Variants in ZNF410 observed in about 807,000 individuals in gnomAD.
The protein encoded by ZNF410 is zinc finger protein 410.
A neutral mutation model predicts 54.8 loss-of-function variants in ZNF410; 18 were observed. That is an observed-to-expected ratio of 0.33 (90% CI 0.23 to 0.49). ZNF410 has a LOEUF of 0.49. Among genes scored for constraint, ZNF410 ranks in the 20% least tolerant of loss-of-function variants. ZNF410 has a pLI of 0.99. For synonymous variants in ZNF410, 191 were observed against 207.3 expected (o/e 0.92, Z 0.68); for missense variants, 405 against 569.6 (o/e 0.71, Z 2.94).
At position 73,919,886 on chromosome 14, in the gene ZNF410, G is replaced by GTTTTTTTTTTTT. The variant is rs1158550117; in HGVS notation, c.1004-1080_1004-1069dup. Among the ~76,000 whole-genome samples, 39 of 62,052 alleles carry GTTTTTTTTTTTT rather than the reference G, an allele frequency of 6.3e-4. 1 individual carries two copies. Among genetic ancestry groups the GTTTTTTTTTTTT allele is most frequent in the African/African-American group, 8.7e-4 (14 of 16,162 alleles). The allele number at this position is 62,052 out of a possible 152,430, so 40.7% of individuals were successfully genotyped here. A position where few individuals can be genotyped will look rare whatever the true frequency, so the allele number is the denominator to read the frequency against. Reference sequence around the variant, plus strand: ...ATTCCACCCTGTTTCTATTGTATAGGTTTTTTTTTTTTTTTTTTTTTTTTT... The same window carrying GTTTTTTTTTTTT: ...ATTCCACCCTGTTTCTATTGTATAGGTTTTTTTTTTTTTTTTTTTTTTTTTTTTTTTTTTTTT... On this transcript the variant is annotated intron_variant, in intron 8 of 11. Coordinates refer to ENST00000555044, the MANE Select transcript of ZNF410 (RefSeq NM_021188.3).
chr14:73,893,539 T>A (rs560400119), intron 2 of ZNF410: 5 of 346,246 alleles, frequency 1.4e-5, no homozygotes, highest in Non-Finnish European at 2.1e-5. Context: ...AAATAGGATA[T>A]TACAATCTCA....
At chr14:73,906,950 AATT>A (rs1227079250) in intron 7 of ZNF410, among the ~76,000 whole-genome samples, 1 of 151,900 alleles carries the variant, frequency 6.6e-6, no homozygotes, top group African/African-American at 2.4e-5. Context: ...GCCTCTATTT[AATT>A]ATTTCTCCCT....
intron 8 of ZNF410, among the ~76,000 whole-genome samples, chr14:73,919,132 A>G (rs895192970): frequency 4.8e-5 from 7 of 145,930 alleles, no homozygotes; most frequent in Admixed American, 4.2e-4. Flanking sequence ...CAACCTCCCA[A>G]GCAGCTGGGA....
At chr14:73,908,840 GTTTGTTTT>G in intron 7 of ZNF410, among the ~76,000 whole-genome samples, 1 of 151,906 alleles carries the variant, frequency 6.6e-6, no homozygotes, top group Middle Eastern at 3.4e-3. Flanking sequence ...TTTTTTGTTT[GTTTGTTTT>G]TTTGTTTGAG....
chr14:73,922,089 T>G lies in ZNF410; in HGVS notation c.1153T>G (p.Leu385Val). The G allele has an allele frequency of 1.2e-6, 2 of 1,614,114 alleles. No individual in the cohort carries two copies. The highest frequency in any genetic ancestry group is 2.2e-5 in the South Asian group (2 of 91,078). ...QTAEPLMGSS[L>V]LEEASVPSKN... ...AGCTGAGCCACTAATGGGCAGTAGT[T>G]TGCTTGAAGAGGCTTCAGTACCCAG... The change falls in exon 10 of 12, where the codon TTG (leucine) becomes GTG (valine). Residue 385 changes from leucine (L) to valine (V), a missense_variant. Transcript: ENST00000555044.
intron 8 of ZNF410, chr14:73,914,576 T>A (rs2055633978): frequency 6.6e-6 from 1 of 151,608 alleles, no homozygotes; most frequent in Admixed American, 6.6e-5. Context: ...TGTCTCAGCC[T>A]TCCAATGTCG....
At chr14:73,918,788 T>C (rs1271087225) in intron 8 of ZNF410, among the ~76,000 whole-genome samples, 1 of 141,726 alleles carries the variant, frequency 7.1e-6, no homozygotes, top group African/African-American at 2.6e-5. Context: ...AAGCTCTGCC[T>C]CCTCGGTTCA....
intron 11 of ZNF410, among the ~76,000 whole-genome samples, chr14:73,930,396 C>T (rs772973839): frequency 1.3e-5 from 2 of 152,186 alleles, no homozygotes. Context: ...TTTCTGGCCT[C>T]AAGCAATCCT....
At chr14:73,897,114 A>T (rs1007742574) in intron 4 of ZNF410, among the ~76,000 whole-genome samples, 2 of 152,126 alleles carry the variant, frequency 1.3e-5, no homozygotes, top group Non-Finnish European at 2.9e-5. Context: ...GGCAGAAAAG[A>T]TACTAAATCA....
intron 11 of ZNF410, among the ~76,000 whole-genome samples, chr14:73,926,303 T>A (rs2055829362): frequency 6.6e-6 from 1 of 152,206 alleles, no homozygotes; most frequent in Non-Finnish European, 1.5e-5. Flanking sequence ...TATGGTTGGT[T>A]TGCTAGAGTC....
chr14:73,925,254 A>T (rs1276127153), intron 11 of ZNF410, among the ~76,000 whole-genome samples: 1 of 152,168 alleles, frequency 6.6e-6, no homozygotes, highest in African/African-American at 2.4e-5. Flanking sequence ...AATCATACAT[A>T]TCTCACTTAC....
intron 1 of ZNF410, among the ~76,000 whole-genome samples, chr14:73,889,981 G>C (rs1338099022): frequency 6.6e-6 from 1 of 151,842 alleles, no homozygotes; most frequent in Non-Finnish European, 1.5e-5. Flanking sequence ...TATTTTAGTT[G>C]AGACGGAGTT....
intron 5 of ZNF410, chr14:73,898,547 A>C: frequency 3.9e-6 from 2 of 507,712 alleles, no homozygotes; most frequent in Non-Finnish European, 3.4e-6. Context: ...TTTTATTGTA[A>C]TGTCTCTTAA....
intron 11 of ZNF410, among the ~76,000 whole-genome samples, chr14:73,925,415 C>T (rs1258172349): frequency 6.6e-6 from 1 of 151,588 alleles, no homozygotes; most frequent in Non-Finnish European, 1.5e-5. Flanking sequence ...GCAGCTCACA[C>T]CTGTCTCCTA....
chr14:73,915,261 CAAA>C, intron 8 of ZNF410, among the ~76,000 whole-genome samples: 1 of 141,014 alleles, frequency 7.1e-6, no homozygotes. Context: ...GAATCTGTCT[CAAA>C]AAAAAAAAAA....
At chr14:73,925,373 C>T (rs2055813949) in intron 11 of ZNF410, among the ~76,000 whole-genome samples, 2 of 151,696 alleles carry the variant, frequency 1.3e-5, no homozygotes, top group South Asian at 4.2e-4. Flanking sequence ...TATGATAAAC[C>T]CACGTCGAAG....
intron 1 of ZNF410, among the ~76,000 whole-genome samples, chr14:73,887,894 A>G (rs1003679955): frequency 1.3e-5 from 2 of 152,182 alleles, no homozygotes; most frequent in Admixed American, 1.3e-4. Context: ...CTTTAGGGCT[A>G]TGACAATTTT....
At chr14:73,889,987 G>A (rs2055202777) in intron 1 of ZNF410, among the ~76,000 whole-genome samples, 1 of 151,974 alleles carries the variant, frequency 6.6e-6, no homozygotes, top group African/African-American at 2.4e-5. Flanking sequence ...AGTTGAGACG[G>A]AGTTGCACCA....
chr14:73,921,154 A>G (rs201387026), intron 9 of ZNF410, 49 bp downstream of exon 9: 10 of 1,605,792 alleles, frequency 6.2e-6, no homozygotes, highest in Middle Eastern at 2.0e-4. Context: ...TAGGGTTCCA[A>G]GAGCCAAATC....
Sources: gnomAD v4.1 joint callset for allele counts (sites outside exome capture counted in the v4.1 genomes callset) on GRCh38, gnomAD v4.1.1 for gene constraint, MANE v1.5 for transcripts, NCBI Gene and HGNC (gene_info 2026-07-23, HGNC 2026-07-21) for gene names.